The following TMEM165 variants were observed in gnomAD, a reference collection of about 807,000 sequenced individuals.
TMEM165 encodes the protein putative divalent cation/proton antiporter TMEM165.
Under a neutral mutation model 30.0 loss-of-function variants are expected in TMEM165, and 19 were observed. The observed-to-expected ratio is 0.63, with a 90% CI of 0.44 to 0.93. The LOEUF (loss-of-function observed/expected upper bound fraction) is 0.93, where lower values mean the gene tolerates loss of function less well. Ranked by LOEUF, TMEM165 falls within the 40% of genes least tolerant of loss-of-function variation. The pLI is 0.00. For missense variants in TMEM165, 340 were observed against 417.0 expected (o/e 0.82, Z 1.61); for synonymous variants, 168 against 162.9 (o/e 1.03, Z -0.24).
At chr4:55,440,355 GAAC>G (rs1367225471) in intron 3 of TMEM165, among the ~76,000 whole-genome samples, 6 of 152,034 alleles carry the variant, frequency 3.9e-5, no homozygotes, top group Admixed American at 1.3e-4. Flanking sequence ...TGAAATGAAA[GAAC>G]AATAACCCCA....
In TMEM165 at chr4:55,396,197, C is replaced by T. The variant is rs770675509; in HGVS notation, c.8C>T (p.Ala3Val). 2.8e-6 allele frequency: 4 copies of T among 1,422,358 alleles called. No individual in the cohort carries two copies. In the Admixed American group the frequency reaches 1.1e-4, roughly 41 times the overall value. The allele number at this position is 1,422,358 out of a possible 1,614,324, so 88.1% of individuals were successfully genotyped here. The change falls in exon 1 of 6, where the codon GCC becomes GTC. Residue 3 changes from alanine to valine, a missense_variant. Ala to Val is a moderately conservative substitution (Grantham distance 64). Coordinates refer to ENST00000381334, the MANE Select transcript of TMEM165 (RefSeq NM_018475.5). ...GCCGGCCCGGCAGGCGGGATGGCGG[C>T]CGCGGCTCCAGGGAACGGCCGCGCA... MA[A>V]AAPGNGRASA...
intron 3 of TMEM165, chr4:55,435,436 A>G: frequency 8.1e-6 from 13 of 1,613,946 alleles, no homozygotes; most frequent in Non-Finnish European, 1.1e-5. Flanking sequence ...GAACCTTGGA[A>G]GGGTCGGGCA....
intron 3 of TMEM165, among the ~76,000 whole-genome samples, chr4:55,440,359 A>G (rs1479106173): frequency 6.6e-6 from 1 of 152,186 alleles, no homozygotes; most frequent in Non-Finnish European, 1.5e-5. Flanking sequence ...ATGAAAGAAC[A>G]ATAACCCCAA....
chr4:55,418,369 T>C (rs915332193), intron 4 of TMEM165, among the ~76,000 whole-genome samples: 10 of 152,120 alleles, frequency 6.6e-5, no homozygotes, highest in Admixed American at 2.0e-4. Flanking sequence ...CTTAAAAATG[T>C]GTAGCTAGCC....
rs981882089 is a variant in TMEM165 at position 55,403,178 on chromosome 4, A to C, written c.207+6782A>C. ...TTTCTTCTGACTCCTTTGTCTTCAG[A>C]TAATCTCACCTCTTGTTTGATAACT... is the stretch of plus-strand genomic sequence containing the variant. On this transcript the variant is annotated intron_variant, in intron 1 of 5. Transcript: ENST00000381334. 2.0e-5 allele frequency: 21 copies of C among 1,058,068 alleles called. No individual in the cohort carries two copies. The African/African-American group carries it at 2.2e-4, about 11-fold the overall frequency. 65.5% of individuals were successfully genotyped at this position (1,058,068 alleles called of 1,614,324 possible). A position where few individuals can be genotyped will look rare whatever the true frequency, so the allele number is the denominator to read the frequency against.
chr4:55,428,539 A>T (rs1412931381), downstream of TMEM165: 1 of 152,246 alleles, frequency 6.6e-6, no homozygotes, highest in African/African-American at 2.4e-5. Flanking sequence ...TTTGGATTTC[A>T]ATTAAATCTT....
intron 1 of TMEM165, among the ~76,000 whole-genome samples, chr4:55,397,947 T>C (rs1488125662): frequency 6.6e-6 from 1 of 152,000 alleles, no homozygotes; most frequent in Non-Finnish European, 1.5e-5. Context: ...CTCACTATGT[T>C]GCCGAGTCTA....
intron 1 of TMEM165, among the ~76,000 whole-genome samples, chr4:55,401,671 C>T (rs1196812960): frequency 6.6e-6 from 1 of 150,430 alleles, no homozygotes; most frequent in Non-Finnish European, 1.5e-5. Context: ...CCACTCCACC[C>T]AGTCCAGCCT....
Position 55,425,444 on chromosome 4 carries a change from G to C in TMEM165, c.967G>C (p.Gly323Arg). ...FSALFISPDS[G>R]F ...TGCACTATTTATAAGCCCTGATTCT[G>C]GTTTTTAACAAGCTGTTTGTTCATC... Residue 323 changes from glycine to arginine, a missense_variant, in exon 6 of 6, where the codon GGT (glycine) becomes CGT (arginine). Physicochemically the swap from Gly to Arg is moderately radical, Grantham distance 125 (BLOSUM62 -2). Transcript: ENST00000381334. 6.3e-7 allele frequency: 1 copy of C among 1,595,548 alleles called. No homozygotes were observed. Among genetic ancestry groups the C allele is most frequent in the Non-Finnish European group, 8.5e-7 (1 of 1,171,928 alleles).
chr4:55,416,165 T>G (rs915032343), intron 2 of TMEM165: 1 of 152,136 alleles, frequency 6.6e-6, no homozygotes, highest in Non-Finnish European at 1.5e-5. Flanking sequence ...AGAGTAATTG[T>G]ATTTATTATA....
intron 1 of TMEM165, among the ~76,000 whole-genome samples, chr4:55,411,007 T>C (rs1040320233): frequency 6.6e-6 from 1 of 151,862 alleles, no homozygotes; most frequent in East Asian, 1.9e-4. Context: ...TGGTGGTGCA[T>C]ACCTATAATC....
intron 3 of TMEM165, chr4:55,450,221 A>G (rs1724301343): frequency 3.1e-6 from 5 of 1,613,944 alleles, no homozygotes; most frequent in Admixed American, 1.7e-5. Flanking sequence ...TATCTGACCC[A>G]GAATCTTGGC....
intron 2 of TMEM165, 48 bp downstream of exon 2, chr4:55,411,887 C>T (rs949257184): frequency 3.2e-6 from 5 of 1,568,148 alleles, no homozygotes; most frequent in African/African-American, 1.4e-5. Context: ...AAAGGGAAAG[C>T]GTGTTGTGTG....
chr4:55,431,487 A>T (rs1316835449), intron 3 of TMEM165: 1 of 152,212 alleles, frequency 6.6e-6, no homozygotes, highest in Non-Finnish European at 1.5e-5. Flanking sequence ...CAAACACTTA[A>T]AATGGCAAGT....
chr4:55,452,552 A>G (rs190522885), exon 4 of TMEM165: 3 of 156,922 alleles, frequency 1.9e-5, no homozygotes, highest in Non-Finnish European at 4.2e-5. Flanking sequence ...GTTGTTTTAT[A>G]TCACTAAATT....
chr4:55,398,737 A>G (rs1720831844), intron 1 of TMEM165, among the ~76,000 whole-genome samples: 1 of 152,290 alleles, frequency 6.6e-6, no homozygotes, highest in East Asian at 1.9e-4. Flanking sequence ...TCATCTGTCT[A>G]TTCCAGAAGA....
At chr4:55,442,274 T>TG in intron 3 of TMEM165, 1 of 694,850 alleles carries the variant, frequency 1.4e-6, no homozygotes, top group Admixed American at 2.6e-5. Context: ...CTTTAAACAA[T>TG]GAATACATTC....
At chr4:55,407,453 T>C (rs1220920743) in intron 1 of TMEM165, among the ~76,000 whole-genome samples, 1 of 152,262 alleles carries the variant, frequency 6.6e-6, no homozygotes, top group East Asian at 1.9e-4. Flanking sequence ...TCAGTAGTTT[T>C]AAAAATATTG....
chr4:55,435,536 G>C, intron 3 of TMEM165: 1 of 1,614,038 alleles, frequency 6.2e-7, no homozygotes, highest in Non-Finnish European at 8.5e-7. Context: ...CTGTTGTAGA[G>C]GAAATGCAGC....
Sources: gnomAD v4.1 joint callset for allele counts (sites outside exome capture counted in the v4.1 genomes callset) on GRCh38, gnomAD v4.1.1 for gene constraint, MANE v1.5 for transcripts, NCBI Gene and HGNC (gene_info 2026-07-23, HGNC 2026-07-21) for gene names.